The following TTC7B variants were observed in gnomAD, a reference collection of about 807,000 sequenced individuals.
TTC7B encodes the protein tetratricopeptide repeat domain 7B.
A neutral mutation model predicts 106.8 loss-of-function variants in TTC7B; 28 were observed. The ratio of observed to expected loss-of-function variants is 0.26; its 90% CI spans 0.19 to 0.36. TTC7B has a LOEUF of 0.36. Ranked by LOEUF, TTC7B falls within the 10% of genes least tolerant of loss-of-function variation. TTC7B has a pLI of 1.00. For missense variants in TTC7B, 862 were observed against 1,076.4 expected (o/e 0.80, Z 2.79); for synonymous variants, 405 against 430.6 (o/e 0.94, Z 0.74).
chr14:90,701,336 C>G (rs1044146846), intron 5 of TTC7B, among the ~76,000 whole-genome samples: 1 of 152,176 alleles, frequency 6.6e-6, no homozygotes, highest in African/African-American at 2.4e-5. Context: ...AGGCAGCACA[C>G]AGTACAGGGA....
intron 19 of TTC7B, among the ~76,000 whole-genome samples, chr14:90,560,625 A>G (rs1890532236): frequency 6.6e-6 from 1 of 152,242 alleles, no homozygotes; most frequent in Non-Finnish European, 1.5e-5. Flanking sequence ...AACACTTCCC[A>G]CATCTAGAAA....
intron 15 of TTC7B, among the ~76,000 whole-genome samples, chr14:90,643,363 A>C (rs1885270635): frequency 6.6e-6 from 1 of 151,916 alleles, no homozygotes; most frequent in South Asian, 2.1e-4. Flanking sequence ...AGCCGAGACC[A>C]TGCCACTGCA....
chr14:90,619,080 T>A (rs1893204772), intron 15 of TTC7B, among the ~76,000 whole-genome samples: 1 of 152,144 alleles, frequency 6.6e-6, no homozygotes, highest in African/African-American at 2.4e-5. Context: ...ATTTTTGTAT[T>A]TTTAGTAGAG....
At chr14:90,571,389 C>T (rs1343316355) in intron 19 of TTC7B, among the ~76,000 whole-genome samples, 2 of 152,106 alleles carry the variant, frequency 1.3e-5, no homozygotes, top group Non-Finnish European at 1.5e-5. Flanking sequence ...GTTGGAACTG[C>T]AGTTATAGCG....
At chr14:90,694,759 T>C (rs1182699632) in intron 6 of TTC7B, among the ~76,000 whole-genome samples, 6 of 139,568 alleles carry the variant, frequency 4.3e-5, no homozygotes, top group Non-Finnish European at 7.6e-5. Context: ...ATAAAATAAA[T>C]AAATATACAT....
intron 5 of TTC7B, among the ~76,000 whole-genome samples, chr14:90,715,026 A>G (rs1323213583): frequency 6.6e-6 from 1 of 152,176 alleles, no homozygotes; most frequent in African/African-American, 2.4e-5. Context: ...TCAAGTCATC[A>G]GAAGGGCCTG....
At chr14:90,748,432 G>A (rs1446609431) in intron 3 of TTC7B, among the ~76,000 whole-genome samples, 8 of 152,052 alleles carry the variant, frequency 5.3e-5, no homozygotes, top group Non-Finnish European at 1.0e-4. Flanking sequence ...GGGTTCAAGC[G>A]ATTCTCGTGC....
intron 16 of TTC7B, among the ~76,000 whole-genome samples, chr14:90,614,926 A>G (rs1205331210): frequency 1.3e-5 from 2 of 152,216 alleles, no homozygotes; most frequent in Non-Finnish European, 2.9e-5. Context: ...GTCAATATGC[A>G]CAAGGACTGA....
chr14:90,811,160 G>A (rs535211077), intron 1 of TTC7B, among the ~76,000 whole-genome samples: 1 of 152,320 alleles, frequency 6.6e-6, no homozygotes, highest in South Asian at 2.1e-4. Flanking sequence ...AAATAAATGA[G>A]TCTTCTGAAT....
At chr14:90,799,593 A>T (rs1330585665) in intron 1 of TTC7B, among the ~76,000 whole-genome samples, 5 of 152,256 alleles carry the variant, frequency 3.3e-5, no homozygotes, top group Non-Finnish European at 7.4e-5. Context: ...CTGAGCGAAG[A>T]GCATTCCAGG....
intron 1 of TTC7B, among the ~76,000 whole-genome samples, chr14:90,786,915 A>G (rs148682229): frequency 6.6e-6 from 1 of 152,254 alleles, no homozygotes; most frequent in African/African-American, 2.4e-5. Context: ...AGAGAGTTCA[A>G]GTTCAGTAGG....
At chr14:90,681,239 G>A (rs182740809) in intron 7 of TTC7B, among the ~76,000 whole-genome samples, 87 of 152,272 alleles carry the variant, frequency 5.7e-4, no homozygotes, top group African/African-American at 2.0e-3. Context: ...AGCAATTGCA[G>A]CATTTTTTCT....
At chr14:90,654,756 T>C (rs945649265) in intron 12 of TTC7B, among the ~76,000 whole-genome samples, 5 of 152,094 alleles carry the variant, frequency 3.3e-5, no homozygotes, top group Non-Finnish European at 5.9e-5. Flanking sequence ...ACCAGCATAA[T>C]GTACCTAAAA....
chr14:90,625,600 A>G (rs181921794), intron 15 of TTC7B, among the ~76,000 whole-genome samples: 2 of 152,294 alleles, frequency 1.3e-5, no homozygotes, highest in Admixed American at 1.3e-4. Context: ...AGGTGAGCCT[A>G]TGATGCTGGG....
chr14:90,546,422 C>A (rs1889832548), intron 19 of TTC7B, among the ~76,000 whole-genome samples: 1 of 152,248 alleles, frequency 6.6e-6, no homozygotes, highest in African/African-American at 2.4e-5. Flanking sequence ...GTTGTCAGCA[C>A]CAGCTGCGTC....
intron 9 of TTC7B, among the ~76,000 whole-genome samples, chr14:90,664,390 C>A (rs1886327868): frequency 6.6e-6 from 1 of 152,144 alleles, no homozygotes; most frequent in South Asian, 2.1e-4. Flanking sequence ...CTGCCTCAGC[C>A]TCCGGAGTAG....
chr14:90,656,990 G>A (rs1286930819), intron 11 of TTC7B, among the ~76,000 whole-genome samples, 184 bp downstream of exon 11: 1 of 152,202 alleles, frequency 6.6e-6, no homozygotes, highest in Non-Finnish European at 1.5e-5. Flanking sequence ...CTCAGTCCTT[G>A]GGGGAGTGGA....
rs1566758766 is a variant in TTC7B, at chr14:90,541,090, G to GA, written c.*277dup. 1 of 394,264 alleles carries GA rather than the reference G, an allele frequency of 2.5e-6. No individual in the cohort carries two copies. The highest frequency in any genetic ancestry group is 4.5e-6 in the Non-Finnish European group (1 of 222,320). 24.4% of individuals were successfully genotyped at this position (394,264 alleles called of 1,614,324 possible). A position where few individuals can be genotyped will look rare whatever the true frequency, so the allele number is the denominator to read the frequency against. ...TGATTAATTCCATAATCATTTTACTGAAAACTCAGATGTCAACTAACAAAA... is the reference window on the plus strand; with the variant it reads ...TGATTAATTCCATAATCATTTTACTGAAAAACTCAGATGTCAACTAACAAAA... On this transcript the variant is annotated 3_prime_UTR_variant, in exon 20 of 20. Coordinates refer to ENST00000328459, the MANE Select transcript of TTC7B (RefSeq NM_001010854.2).
At chr14:90,751,741 T>C (rs1187864010) in intron 3 of TTC7B, among the ~76,000 whole-genome samples, 2 of 152,120 alleles carry the variant, frequency 1.3e-5, no homozygotes, top group Non-Finnish European at 2.9e-5. Flanking sequence ...AGGTAACACA[T>C]TTTAAATAAA....
Sources: allele counts gnomAD v4.1 joint callset (sites outside exome capture counted in the v4.1 genomes callset), GRCh38; gene constraint gnomAD v4.1.1; transcripts MANE v1.5; gene names NCBI Gene and HGNC (gene_info 2026-07-23, HGNC 2026-07-21).